Variants in SAMMSON observed in about 807,000 individuals in gnomAD.
SAMMSON encodes the protein survival associated mitochondrial melanoma specific oncogenic non-coding RNA, also known as long intergenic non-protein coding RNA 1212.
At chr3:70,268,313 A>G (rs1254421744) in intron 6 of SAMMSON, among the ~76,000 whole-genome samples, 1 of 152,040 alleles carries the variant, frequency 6.6e-6, no homozygotes, top group Admixed American at 6.5e-5. Context: ...CGTCTGTACT[A>G]AAATACAAAA....
intron 4 of SAMMSON, among the ~76,000 whole-genome samples, chr3:70,131,523 C>G (rs988654552): frequency 6.6e-6 from 1 of 152,120 alleles, no homozygotes; most frequent in African/African-American, 2.4e-5. Context: ...TTATTTTCTT[C>G]TCTTATTTAT....
chr3:70,050,384 C>T (rs1391174109), intron 3 of SAMMSON, among the ~76,000 whole-genome samples: 2 of 152,120 alleles, frequency 1.3e-5, no homozygotes, highest in Admixed American at 1.3e-4. Flanking sequence ...CTTCCAATGT[C>T]TTCCAGTACA....
intron 4 of SAMMSON, among the ~76,000 whole-genome samples, chr3:70,142,204 CATT>C (rs1440729971): frequency 6.6e-6 from 1 of 152,070 alleles, no homozygotes; most frequent in Non-Finnish European, 1.5e-5. Flanking sequence ...GAAAAGAAGT[CATT>C]ATACGAAAAA....
chr3:70,200,639 G>A (rs1258394585), intron 4 of SAMMSON, among the ~76,000 whole-genome samples: 1 of 152,084 alleles, frequency 6.6e-6, no homozygotes, highest in South Asian at 2.1e-4. Context: ...CTGACCATAC[G>A]ATGGCATGAA....
chr3:70,001,703 A>T (rs1458432298), intron 1 of SAMMSON, among the ~76,000 whole-genome samples: 2 of 152,186 alleles, frequency 1.3e-5, no homozygotes, highest in African/African-American at 4.8e-5. Context: ...ATTGTAAATC[A>T]GGTCCCCTGT....
intron 2 of SAMMSON, among the ~76,000 whole-genome samples, chr3:70,401,027 A>C (rs1428964940): frequency 6.6e-6 from 1 of 152,198 alleles, no homozygotes; most frequent in Non-Finnish European, 1.5e-5. Context: ...TTTATAGTAC[A>C]GTTTAAGACT....
chr3:70,221,159 A>G (rs972690197), intron 4 of SAMMSON, among the ~76,000 whole-genome samples: 2 of 152,160 alleles, frequency 1.3e-5, no homozygotes, highest in Non-Finnish European at 1.5e-5. Flanking sequence ...GATGTGGAAT[A>G]AACCGTAGAT....
At position 70,321,478 on chromosome 3, in the gene SAMMSON, C is replaced by G. The variant is rs562686154; in HGVS notation, n.739+30235C>G. On this transcript the variant is annotated intron_variant and non_coding_transcript_variant, in intron 7 of 9. Transcript: ENST00000642114. Reference sequence around the variant, plus strand: ...TGCTAATATACTACAATTTTGTCATCCATTCCCGTTAATGGATATTTGGGT... The same window carrying G: ...TGCTAATATACTACAATTTTGTCATGCATTCCCGTTAATGGATATTTGGGT... Among the ~76,000 whole-genome samples the G allele has an allele frequency of 2.0e-5, 3 of 152,164 alleles. No homozygotes were observed. In the East Asian group the frequency reaches 5.8e-4, roughly 29 times the overall value.
At chr3:70,014,857 C>T (rs1466048515) in intron 3 of SAMMSON, 4 of 152,100 alleles carry the variant, frequency 2.6e-5, no homozygotes, top group African/African-American at 4.8e-5. Flanking sequence ...GCTCTGTGTC[C>T]TGAACACAGA....
At chr3:70,003,324 T>C (rs1237650646) in intron 1 of SAMMSON, among the ~76,000 whole-genome samples, 3 of 152,014 alleles carry the variant, frequency 2.0e-5, no homozygotes, top group Admixed American at 2.0e-4. Flanking sequence ...ATTTAGTACA[T>C]TTATAGTTAA....
At chr3:70,116,637 A>T (rs7637402) in intron 4 of SAMMSON, among the ~76,000 whole-genome samples, 45,857 of 151,926 alleles carry the variant, frequency 0.3, 7,088 homozygotes, top group East Asian at 0.43. Context: ...TTATTCTGAA[A>T]AGACCCGTCT....
intron 7 of SAMMSON, among the ~76,000 whole-genome samples, chr3:70,334,805 A>G (rs1464144201): frequency 1.3e-5 from 2 of 152,120 alleles, no homozygotes; most frequent in Non-Finnish European, 2.9e-5. Context: ...AACCTTAACT[A>G]CTATACTGAA....
downstream of SAMMSON, among the ~76,000 whole-genome samples, chr3:70,394,580 T>C (rs1370324283): frequency 1.3e-5 from 2 of 152,148 alleles, no homozygotes; most frequent in East Asian, 3.9e-4. Flanking sequence ...TTTGGGAATA[T>C]GAAAAATTTC....
At chr3:70,161,081 C>T (rs1004148331) in intron 4 of SAMMSON, among the ~76,000 whole-genome samples, 2 of 152,010 alleles carry the variant, frequency 1.3e-5, no homozygotes, top group African/African-American at 4.8e-5. Flanking sequence ...TGGATTTCTA[C>T]ACATGGTATC....
chr3:70,044,419 A>G (rs566930815), intron 3 of SAMMSON, among the ~76,000 whole-genome samples: 1 of 152,210 alleles, frequency 6.6e-6, no homozygotes, highest in Admixed American at 6.6e-5. Context: ...TGTGCTTAAC[A>G]TTCCGATGAT....
At chr3:70,018,309 T>C (rs189667817) in intron 3 of SAMMSON, among the ~76,000 whole-genome samples, 7 of 152,322 alleles carry the variant, frequency 4.6e-5, no homozygotes, top group African/African-American at 1.7e-4. Flanking sequence ...GGTTTATTCT[T>C]GGGAGGGTGT....
Position 70,324,199 on chromosome 3 carries a change from C to CTATCATCT in SAMMSON, n.740-29976_740-29975insTATCATCT, listed in dbSNP as rs1553655704. ...TCTATCTATCTATCTATCTATCTAT[C>CTATCATCT]ATCTATCTATCTATCCACACACACA... On this transcript the variant is annotated intron_variant and non_coding_transcript_variant, in intron 7 of 9. Transcript: ENST00000642114. Among the ~76,000 whole-genome samples, 457 of 90,300 alleles carry CTATCATCT rather than the reference C, an allele frequency of 5.1e-3. 3 individuals are homozygous for CTATCATCT. The highest frequency in any genetic ancestry group is 0.016 in the East Asian group (63 of 3,942). The allele number at this position is 90,300 out of a possible 152,430, so 59.2% of individuals were successfully genotyped here.
chr3:70,050,718 G>T (rs944280495), intron 3 of SAMMSON, among the ~76,000 whole-genome samples: 1 of 152,046 alleles, frequency 6.6e-6, no homozygotes, highest in Non-Finnish European at 1.5e-5. Context: ...TGATCAGTTG[G>T]TTGACTCGAA....
chr3:70,135,944 G>T (rs1238982288), intron 4 of SAMMSON, among the ~76,000 whole-genome samples: 10 of 146,828 alleles, frequency 6.8e-5, no homozygotes, highest in South Asian at 2.1e-4. Flanking sequence ...TTCTCTAAGT[G>T]TTTTTTTTTT....
Sources: allele counts gnomAD v4.1 joint callset (sites outside exome capture counted in the v4.1 genomes callset), GRCh38; gene constraint gnomAD v4.1.1; transcripts MANE v1.5; gene names NCBI Gene and HGNC (gene_info 2026-07-23, HGNC 2026-07-21).